The following PCDH15 variants were observed in gnomAD, a reference collection of about 807,000 sequenced individuals.
PCDH15 encodes the protein protocadherin-15.
In PCDH15, 129 loss-of-function variants were observed where a neutral mutation model predicts 178.5. That is an observed-to-expected ratio of 0.72 (90% CI 0.63 to 0.84). PCDH15 has a LOEUF of 0.84. Ranked by LOEUF, PCDH15 falls within the 40% of genes least tolerant of loss-of-function variation. The pLI is 0.00. For synonymous variants in PCDH15, 800 were observed against 732.0 expected, an observed-to-expected ratio of 1.09 and a Z score of -1.50; for missense variants, 2,230 against 2,099.9, an observed-to-expected ratio of 1.06 and a Z score of -1.21.
rs1173833806 is a variant in PCDH15, at chr10:53,807,060, C to CTGTCT, written c.4737_4741dup (p.Ser1581LysfsTer34). ...ACGGTTTCTCTGACATTCAGGAGCA[C>CTGTCT]TGTCTTCTCCAGTTGAGCTGGTTTC... On this transcript the variant is annotated frameshift_variant, in exon 38 of 38. Coordinates refer to ENST00000644397, the MANE Select transcript of PCDH15 (RefSeq NM_001384140.1). LOFTEE classifies it high-confidence loss of function. The CTGTCT allele has an allele frequency of 6.2e-7, 1 of 1,613,178 alleles. No individual in the cohort carries two copies. Among genetic ancestry groups the CTGTCT allele is most frequent in the African/African-American group, 1.3e-5 (1 of 74,554 alleles).
intron 2 of PCDH15, among the ~76,000 whole-genome samples, chr10:55,588,832 A>C (rs1264585630): frequency 1.3e-5 from 2 of 152,182 alleles, no homozygotes; most frequent in Non-Finnish European, 2.9e-5. Context: ...CTGTAATCCT[A>C]GCACTTTTGG....
chr10:54,320,306 TC>T (rs1386114898), intron 7 of PCDH15, among the ~76,000 whole-genome samples: 1 of 152,064 alleles, frequency 6.6e-6, no homozygotes, highest in African/African-American at 2.4e-5. Context: ...CCCCTTTGAC[TC>T]CTAGAAACCT....
chr10:54,065,866 G>A (rs1344446375), intron 18 of PCDH15, among the ~76,000 whole-genome samples: 1 of 152,162 alleles, frequency 6.6e-6, no homozygotes, highest in Admixed American at 6.5e-5. Context: ...CAGTTTAAAG[G>A]AGATTGAGCT....
At chr10:55,104,602 T>C (rs1447790897) in intron 2 of PCDH15, among the ~76,000 whole-genome samples, 1 of 152,232 alleles carries the variant, frequency 6.6e-6, no homozygotes, top group Non-Finnish European at 1.5e-5. Flanking sequence ...TTGGTGTAGC[T>C]GCAGTGATGA....
At chr10:53,823,745 C>T (rs974960756) in intron 32 of PCDH15, 27 of 460,444 alleles carry the variant, frequency 5.9e-5, no homozygotes, top group Non-Finnish European at 1.0e-4. Flanking sequence ...CCTGAGGATG[C>T]TCAGGGCTGC....
chr10:54,425,224 T>C (rs1199274133), intron 3 of PCDH15, among the ~76,000 whole-genome samples: 2 of 152,054 alleles, frequency 1.3e-5, no homozygotes, highest in Non-Finnish European at 2.9e-5. Flanking sequence ...AAAGAGGGGA[T>C]TGGATCATGA....
In PCDH15 at chr10:54,916,343, C is replaced by T. The variant is rs1234068749; in HGVS notation, c.-79-18843G>A. Among the ~76,000 whole-genome samples the T allele has an allele frequency of 2.6e-5, 4 of 152,166 alleles. No individual in the cohort carries two copies. In the East Asian group the frequency reaches 7.7e-4, roughly 29 times the overall value. On this transcript the variant is annotated intron_variant, in intron 2 of 5. Transcript: ENST00000458638. ...AGGAAGTCACTACAGAGTTTTGACA[C>T]TATCAGCTTTCTCTTTTTAGTGAAA...
intron 3 of PCDH15, among the ~76,000 whole-genome samples, chr10:54,383,127 T>C (rs554267578): frequency 4.6e-5 from 7 of 152,248 alleles, no homozygotes; most frequent in African/African-American, 1.4e-4. Context: ...AGGAGTTATA[T>C]ATTATTTTTC....
At chr10:54,779,464 GTATATATATACACACATATATA>G (rs1277628508) in intron 1 of PCDH15, among the ~76,000 whole-genome samples, 1 of 94,612 alleles carries the variant, frequency 1.1e-5, no homozygotes, top group East Asian at 3.0e-4. Flanking sequence ...ATATATGTGT[GTATATATATACACACATATATA>G]TGTATATATA....
chr10:55,067,052 C>T (rs934796707), intron 2 of PCDH15, among the ~76,000 whole-genome samples: 3 of 151,572 alleles, frequency 2.0e-5, no homozygotes, highest in East Asian at 1.9e-4. Flanking sequence ...TATCAACAAA[C>T]GAAGAAAAGA....
At chr10:55,168,922 T>A (rs1398042796) in intron 1 of PCDH15, among the ~76,000 whole-genome samples, 1 of 152,026 alleles carries the variant, frequency 6.6e-6, no homozygotes, top group East Asian at 1.9e-4. Flanking sequence ...AAATAGAGAG[T>A]GTAGGATTTC....
chr10:55,273,070 T>C (rs1325087894), intron 1 of PCDH15, among the ~76,000 whole-genome samples: 2 of 152,106 alleles, frequency 1.3e-5, no homozygotes, highest in Non-Finnish European at 2.9e-5. Context: ...TGCCTGGTGA[T>C]ACTGATTTCA....
At chr10:55,538,558 TTTCC>T (rs1179773440) in intron 2 of PCDH15, among the ~76,000 whole-genome samples, 6 of 66,674 alleles carry the variant, frequency 9.0e-5, no homozygotes, top group South Asian at 6.8e-4. Flanking sequence ...TCCTTCCTCC[TTTCC>T]TTCCTTCCTT....
intron 18 of PCDH15, among the ~76,000 whole-genome samples, chr10:54,026,118 G>A (rs1393243168): frequency 6.6e-6 from 1 of 151,090 alleles, no homozygotes; most frequent in Non-Finnish European, 1.5e-5. Context: ...ACCCATGCTG[G>A]TGTGCAGTGG....
intron 8 of PCDH15, among the ~76,000 whole-genome samples, chr10:54,304,025 G>A (rs1345071802): frequency 2.6e-5 from 4 of 151,078 alleles, no homozygotes; most frequent in Admixed American, 1.3e-4. Flanking sequence ...ATGTTTTAGC[G>A]ATTAGGAATT....
intron 5 of PCDH15, among the ~76,000 whole-genome samples, chr10:54,352,175 G>A (rs2795932): frequency 0.11 from 17,482 of 152,086 alleles, 1,790 homozygotes; most frequent in African/African-American, 0.28. Flanking sequence ...ACTAAAAAAT[G>A]ATTTCTGAAT....
chr10:54,522,934 T>C (rs896518969), intron 3 of PCDH15, among the ~76,000 whole-genome samples: 2 of 152,190 alleles, frequency 1.3e-5, no homozygotes, highest in Non-Finnish European at 2.9e-5. Flanking sequence ...CTAGGAACTA[T>C]TGTCTTTCTT....
intron 3 of PCDH15, among the ~76,000 whole-genome samples, chr10:54,518,092 G>T (rs1320141501): frequency 1.3e-5 from 2 of 152,046 alleles, no homozygotes; most frequent in East Asian, 1.9e-4. Flanking sequence ...AGCACCAAAT[G>T]CCCAAAAGAG....
At chr10:55,604,844 G>A (rs1272759436) in intron 2 of PCDH15, among the ~76,000 whole-genome samples, 2 of 136,776 alleles carry the variant, frequency 1.5e-5, no homozygotes, top group Admixed American at 7.5e-5. Flanking sequence ...AACTAGAAAA[G>A]CAAGAGCAAA....
Sources: gnomAD v4.1 joint callset for allele counts (sites outside exome capture counted in the v4.1 genomes callset) on GRCh38, gnomAD v4.1.1 for gene constraint, MANE v1.5 for transcripts, NCBI Gene and HGNC (gene_info 2026-07-23, HGNC 2026-07-21) for gene names.